Variants in CHD2 observed in about 807,000 individuals in gnomAD.
CHD2 encodes chromodomain helicase DNA binding protein 2, also known as ATP-dependent chromatin remodeler CHD2.
In CHD2, 28 loss-of-function variants were observed where a neutral mutation model predicts 243.9. That is an observed-to-expected ratio of 0.11 (90% CI 0.09 to 0.16). CHD2 has a LOEUF of 0.16. CHD2 is among the 10% of genes least tolerant of loss of function. The pLI, the probability that CHD2 is intolerant of heterozygous loss-of-function variation, is 1.00. For missense variants in CHD2, 1,386 were observed against 2,209.8 expected (o/e 0.63, Z 7.47); for synonymous variants, 775 against 779.0 (o/e 0.99, Z 0.09).
intron 27 of CHD2, 35 bp from the exon 28 acceptor site, chr15:92,992,824 G>C (rs1251906561): frequency 3.7e-6 from 6 of 1,606,064 alleles, no homozygotes; most frequent in Middle Eastern, 3.4e-4. Flanking sequence ...GTGGGCACAG[G>C]GTCCTAAAGT....
At chr15:92,941,988 T>C (rs1277660192) in intron 8 of CHD2, 33 bp downstream of exon 8, 1 of 1,598,264 alleles carries the variant, frequency 6.3e-7, no homozygotes, top group Non-Finnish European at 8.5e-7. Flanking sequence ...TTACATTTTA[T>C]GTATGCTTAG....
chr15:93,005,014 A>G (rs1444623932), intron 34 of CHD2, among the ~76,000 whole-genome samples: 2 of 152,154 alleles, frequency 1.3e-5, no homozygotes, highest in Admixed American at 6.5e-5. Flanking sequence ...GGGCCCTTAG[A>G]GGCATTTGGG....
chr15:93,003,485 A>C (rs1302876313), intron 33 of CHD2, among the ~76,000 whole-genome samples: 2 of 152,182 alleles, frequency 1.3e-5, no homozygotes, highest in Non-Finnish European at 2.9e-5. Context: ...TATTAAAAAA[A>C]TAAAAAAAGA....
rs2054212011 is a variant in CHD2, at chr15:92,998,481, C to T, written c.3886-18C>T. On this transcript the variant is annotated intron_variant, in intron 30 of 38. Transcript: ENST00000394196. This position sits in a 1 kb window ranked among gnomAD's most constrained non-coding sequence, Gnocchi z 5.1. ...GATGTGGGTGGTGGCGGGTGCTTCT[C>T]TTCCTTTCTTGTTGAAGATTCTGCC... 3 of 1,613,626 alleles carry T rather than the reference C, an allele frequency of 1.9e-6. No individual in the cohort carries two copies. Among genetic ancestry groups the T allele is most frequent in the African/African-American group, 1.3e-5 (1 of 75,022 alleles).
At chr15:93,021,106 A>C (rs1019803030) in intron 38 of CHD2, 1 of 152,158 alleles carries the variant, frequency 6.6e-6, no homozygotes, top group Non-Finnish European at 1.5e-5. Flanking sequence ...TCTGCTGGTG[A>C]TAAACTCTTT....
intron 2 of CHD2, among the ~76,000 whole-genome samples, chr15:92,918,766 AT>A (rs1460616161): frequency 6.6e-6 from 1 of 151,778 alleles, no homozygotes; most frequent in Non-Finnish European, 1.5e-5. Context: ...TAATATGAAT[AT>A]ATATATACGT....
chr15:92,973,628 G>T (rs2053871323), intron 19 of CHD2, among the ~76,000 whole-genome samples: 1 of 152,132 alleles, frequency 6.6e-6, no homozygotes, highest in Non-Finnish European at 1.5e-5. Flanking sequence ...TTAGAATATA[G>T]CTTAAGGCTG....
At chr15:92,951,139 G>A (rs2053548835) in intron 13 of CHD2, among the ~76,000 whole-genome samples, 1 of 152,076 alleles carries the variant, frequency 6.6e-6, no homozygotes, top group Admixed American at 6.6e-5. Flanking sequence ...GGTGTTTTGT[G>A]TACAGTCCTT....
chr15:92,926,012 C>G (rs1172105473), intron 3 of CHD2, among the ~76,000 whole-genome samples: 3 of 152,176 alleles, frequency 2.0e-5, no homozygotes, highest in African/African-American at 7.2e-5. Flanking sequence ...TGCTCTGTCC[C>G]CCAGGCTGGA....
chr15:92,956,064 G>A (rs2053614279), intron 15 of CHD2, among the ~76,000 whole-genome samples: 2 of 152,212 alleles, frequency 1.3e-5, no homozygotes, highest in Non-Finnish European at 2.9e-5. Context: ...AACAAGTTGA[G>A]TTTGGTGGCT....
chr15:92,905,882 G>T (rs1165494988), intron 2 of CHD2, among the ~76,000 whole-genome samples: 1 of 152,166 alleles, frequency 6.6e-6, no homozygotes, highest in Non-Finnish European at 1.5e-5. Flanking sequence ...CCACAAGAAC[G>T]AAAGTAATAA....
chr15:92,961,320 T>C (rs577759794), intron 16 of CHD2, among the ~76,000 whole-genome samples: 1 of 152,358 alleles, frequency 6.6e-6, no homozygotes, highest in African/African-American at 2.4e-5. Context: ...TTAATTTGTG[T>C]CTTTCTAAGA....
intron 2 of CHD2, among the ~76,000 whole-genome samples, chr15:92,913,132 G>C (rs2052771784): frequency 6.6e-6 from 1 of 152,130 alleles, no homozygotes; most frequent in South Asian, 2.1e-4. Flanking sequence ...AGCAATTCTA[G>C]GGTTGTGTCC....
intron 16 of CHD2, among the ~76,000 whole-genome samples, chr15:92,958,057 G>T (rs1167086905): frequency 6.6e-6 from 1 of 152,124 alleles, no homozygotes; most frequent in Admixed American, 6.5e-5. Flanking sequence ...CATTTGGATT[G>T]CTTTGTTTTG....
chr15:92,907,548 A>C (rs138695282), intron 2 of CHD2, among the ~76,000 whole-genome samples: 10 of 152,312 alleles, frequency 6.6e-5, no homozygotes, highest in Non-Finnish European at 1.0e-4. Flanking sequence ...TGTGCCTGGC[A>C]AGAGCTAGGT....
chr15:92,976,192 A>G (rs982714178), intron 20 of CHD2, among the ~76,000 whole-genome samples: 30 of 148,036 alleles, frequency 2.0e-4, no homozygotes, highest in Non-Finnish European at 2.4e-4. Flanking sequence ...GTCTCAGGGG[A>G]AAAAAAAAAT....
chr15:93,013,892 A>G (rs1207735026), intron 36 of CHD2, among the ~76,000 whole-genome samples: 3 of 133,648 alleles, frequency 2.2e-5, no homozygotes, highest in Non-Finnish European at 4.7e-5. Flanking sequence ...CTGAGATGGC[A>G]TCACTGAATG....
At chr15:92,953,716 C>T in intron 14 of CHD2, 143 bp downstream of exon 14, 2 of 749,470 alleles carry the variant, frequency 2.7e-6, no homozygotes, top group South Asian at 3.7e-5. Context: ...GGAGGTTTAT[C>T]TATCACAAAA....
At chr15:92,931,177 T>C (rs1315873021) in intron 5 of CHD2, among the ~76,000 whole-genome samples, 3 of 152,324 alleles carry the variant, frequency 2.0e-5, no homozygotes, top group Admixed American at 6.5e-5. Context: ...GTTTGAAATA[T>C]TGGCACAAAG....
Sources: allele counts gnomAD v4.1 joint callset (sites outside exome capture counted in the v4.1 genomes callset), GRCh38; gene constraint gnomAD v4.1.1; non-coding constraint Gnocchi (gnomAD v3.1); transcripts MANE v1.5; gene names NCBI Gene and HGNC (gene_info 2026-07-23, HGNC 2026-07-21).